The following MTRF1L variants were observed in gnomAD, a reference collection of about 807,000 sequenced individuals.
MTRF1L encodes the protein mitochondrial translation release factor 1 like.
In MTRF1L, 29 loss-of-function variants were observed where a neutral mutation model predicts 40.0. That is an observed-to-expected ratio of 0.73 (90% CI 0.54 to 0.99). MTRF1L has a LOEUF of 0.99. MTRF1L is among the 50% of genes least tolerant of loss of function. MTRF1L has a pLI of 0.00. For missense variants in MTRF1L, 412 were observed against 464.5 expected (o/e 0.89, Z 1.04); for synonymous variants, 150 against 175.8 (o/e 0.85, Z 1.16).
chr6:152,998,188 G>A (rs897787619), intron 2 of MTRF1L: 7 of 145,704 alleles, frequency 4.8e-5, no homozygotes, highest in African/African-American at 1.8e-4. Flanking sequence ...GGGAAGATAT[G>A]CCACTATTTC....
At chr6:152,990,204 C>A in intron 6 of MTRF1L, 109 bp from the exon 7 acceptor site, 1 of 1,381,278 alleles carries the variant, frequency 7.2e-7, no homozygotes, top group Non-Finnish European at 9.7e-7. Flanking sequence ...GAATCAAATG[C>A]GAGAACCAGG....
intron 1 of MTRF1L, among the ~76,000 whole-genome samples, chr6:153,001,395 G>A (rs951077817): frequency 2.6e-5 from 4 of 152,024 alleles, no homozygotes; most frequent in African/African-American, 7.3e-5. Flanking sequence ...AATTTACCAC[G>A]TACTGTATAT....
Position 153,002,637 on chromosome 6 carries a change from G to A in MTRF1L, c.49C>T (p.Arg17Trp), listed in dbSNP as rs1286394396. ...GGCCGGCGGGCTGGGCCAACGGCCC[G>A]GCGGGGCCAGAGCCACCGGGCAGCG... is the stretch of plus-strand genomic sequence containing the variant. ...WGAARWLWPR[R>W]AVGPARRPLS... is the part of the protein sequence containing the mutation. The change falls in exon 1 of 7, where the codon CGG (arginine) becomes TGG (tryptophan). Residue 17 changes from arginine to tryptophan, a missense_variant. Arg to Trp is a moderately radical substitution (Grantham distance 101, BLOSUM62 -3). Transcript: ENST00000367233. The A allele has an allele frequency of 9.8e-6, 15 of 1,526,378 alleles. No homozygotes were observed. The highest frequency in any genetic ancestry group is 2.2e-5 in the Admixed American group (1 of 44,902). The allele number at this position is 1,526,378 out of a possible 1,614,324, so 94.6% of individuals were successfully genotyped here. A position where few individuals can be genotyped will look rare whatever the true frequency, so the allele number is the denominator to read the frequency against.
chr6:152,995,041 A>G, intron 3 of MTRF1L, 95 bp downstream of exon 3: 1 of 1,129,972 alleles, frequency 8.8e-7, no homozygotes. Context: ...AAAACTACAT[A>G]AGCATCCTCA....
intron 4 of MTRF1L, among the ~76,000 whole-genome samples, 192 bp downstream of exon 4, chr6:152,994,321 A>G (rs1010330277): frequency 6.6e-6 from 1 of 152,240 alleles, no homozygotes; most frequent in African/African-American, 2.4e-5. Flanking sequence ...AGACAATGCA[A>G]CATTGTATCA....
chr6:152,997,850 CT>C (rs975957230), intron 2 of MTRF1L, among the ~76,000 whole-genome samples: 1 of 151,756 alleles, frequency 6.6e-6, no homozygotes, highest in Admixed American at 6.6e-5. Context: ...TTGGCTCCTC[CT>C]TTTTTTTGTT....
chr6:153,001,372 A>G (rs1168106455), intron 1 of MTRF1L, among the ~76,000 whole-genome samples: 1 of 151,898 alleles, frequency 6.6e-6, no homozygotes, highest in South Asian at 2.1e-4. Context: ...GTTCTCATCT[A>G]CTTCTAAGGT....
At chr6:152,994,795 G>C in intron 3 of MTRF1L, 119 bp from the exon 4 acceptor site, 1 of 1,190,542 alleles carries the variant, frequency 8.4e-7, no homozygotes, top group East Asian at 2.5e-5. Context: ...TGAACATGGA[G>C]ACTGTAAAAC....
Position 152,989,944 on chromosome 6 carries a change from T to A in MTRF1L, c.1094A>T (p.Glu365Val), listed in dbSNP as rs371671714. ...TACTAAAGATTCATAATCGGCGTAT[T>A]CCTTCAATGACTGTACAAGTTCATC... is the stretch of plus-strand genomic sequence containing the variant. ...LLDELVQSLK[E>V]YADYESLVEI... The change falls in exon 7 of 7, where the codon GAA becomes GTA. Residue 365 changes from glutamate (E) to valine (V), a missense_variant. Glu to Val is a moderately radical substitution (Grantham distance 121). Transcript: ENST00000367233. 30 of 1,613,402 alleles carry A rather than the reference T, an allele frequency of 1.9e-5. No individual in the cohort carries two copies. Among genetic ancestry groups the A allele is most frequent in the Non-Finnish European group, 2.5e-5 (29 of 1,179,800 alleles).
chr6:153,002,200 A>G (rs948951913), intron 1 of MTRF1L, among the ~76,000 whole-genome samples: 1 of 152,170 alleles, frequency 6.6e-6, no homozygotes, highest in Admixed American at 6.5e-5. Context: ...CGAGTCCACA[A>G]CTAATAAGCA....
At position 153,002,633 on chromosome 6, in the gene MTRF1L, G is replaced by T; in HGVS notation, c.53C>A (p.Ala18Asp). The T allele has an allele frequency of 6.5e-7, 1 of 1,527,032 alleles. No homozygotes were observed. The highest frequency in any genetic ancestry group is 8.8e-7 in the Non-Finnish European group (1 of 1,138,784). 94.6% of individuals were successfully genotyped at this position (1,527,032 alleles called of 1,614,324 possible). The change falls in exon 1 of 7, where the codon GCC becomes GAC. Residue 18 changes from alanine to aspartate, a missense_variant. Ala to Asp is a moderately radical substitution (Grantham distance 126). Transcript: ENST00000367233. ...GAARWLWPRRAVGPARRPLSS... is the reference protein window; with the variant it reads ...GAARWLWPRRDVGPARRPLSS... ...CAGGGGCCGGCGGGCTGGGCCAACG[G>T]CCCGGCGGGGCCAGAGCCACCGGGC...
chr6:152,992,305 A>G (rs889082542), intron 5 of MTRF1L, among the ~76,000 whole-genome samples: 3 of 152,236 alleles, frequency 2.0e-5, no homozygotes, highest in Non-Finnish European at 4.4e-5. Flanking sequence ...TTCGAGCTAC[A>G]GTATACTGGA....
rs749735706 is a variant in MTRF1L at position 153,002,494 on chromosome 6, C to T, written c.192G>A (p.Leu64=). 1.9e-6 allele frequency: 3 copies of T among 1,613,532 alleles called. No individual in the cohort carries two copies. Among genetic ancestry groups the T allele is most frequent in the Non-Finnish European group, 1.7e-6 (2 of 1,179,808 alleles). The part of the protein sequence containing the change: ...EAHLKVRRPE[L]LAVIKLLNEK... ...CGTTCAGCAGTTTGATCACCGCCAG[C>T]AACTCGGGCCTCCTGACCTTCAAAT... The change falls in exon 1 of 7, where the codon TTG becomes TTA. Residue 64 remains leucine (L), a synonymous_variant. Coordinates refer to ENST00000367233, the MANE Select transcript of MTRF1L (RefSeq NM_019041.7).
intron 1 of MTRF1L, among the ~76,000 whole-genome samples, chr6:152,999,432 C>T (rs1033748209): frequency 2.0e-5 from 3 of 152,102 alleles, no homozygotes; most frequent in African/African-American, 4.8e-5. Context: ...AAGACCTGCC[C>T]TCAAGAGAGC....
chr6:152,989,698 G>A lies in MTRF1L; in HGVS notation c.*197C>T. On this transcript the variant is annotated 3_prime_UTR_variant, in exon 7 of 7. Coordinates refer to ENST00000367233, the MANE Select transcript of MTRF1L (RefSeq NM_019041.7). The stretch of plus-strand genomic sequence containing the variant: ...GGGAATTAACCACAATGTAAATCGA[G>A]GACCATCTGTATATTGTATGATTTT... 1 of 591,218 alleles carries A rather than the reference G, an allele frequency of 1.7e-6. No individual in the cohort carries two copies. Among genetic ancestry groups the A allele is most frequent in the Non-Finnish European group, 2.8e-6 (1 of 360,340 alleles). 36.6% of individuals were successfully genotyped at this position (591,218 alleles called of 1,614,324 possible). A position where few individuals can be genotyped will look rare whatever the true frequency, so the allele number is the denominator to read the frequency against.
intron 5 of MTRF1L, among the ~76,000 whole-genome samples, chr6:152,992,491 C>T (rs1778562119): frequency 6.6e-6 from 1 of 151,976 alleles, no homozygotes; most frequent in African/African-American, 2.4e-5. Context: ...GTTCCCCTCC[C>T]CTGCAAAAAG....
At chr6:152,997,835 C>T (rs1331989891) in intron 2 of MTRF1L, among the ~76,000 whole-genome samples, 2 of 152,098 alleles carry the variant, frequency 1.3e-5, no homozygotes, top group African/African-American at 4.8e-5. Context: ...TGTTACAGTC[C>T]TTATTTGGCT....
At chr6:152,991,367 C>G in intron 5 of MTRF1L, 46 bp from the exon 6 acceptor site, 1 of 1,509,132 alleles carries the variant, frequency 6.6e-7, no homozygotes, top group Non-Finnish European at 8.9e-7. Flanking sequence ...AAAAAATCTT[C>G]TTTACTTATT....
In MTRF1L at chr6:152,992,859, G is replaced by C. The variant is rs1450968325; in HGVS notation, c.803C>G (p.Thr268Arg). ...ATATTGAAGGAATAAGTACACACCT[G>C]TTGGAAGATGAACTATCCGGACAGC... ...DSAVRIVHLP[T>R]GVVSECQQER... Residue 268 changes from threonine (T) to arginine (R), a missense_variant and splice_region_variant, in exon 5 of 7, where the codon ACA (threonine) becomes AGA (arginine). Thr to Arg is a moderately conservative substitution (Grantham distance 71). Transcript: ENST00000367233. The C allele has an allele frequency of 6.2e-7, 1 of 1,608,842 alleles. No homozygotes were observed.
Sources: allele counts gnomAD v4.1 joint callset (sites outside exome capture counted in the v4.1 genomes callset), GRCh38; gene constraint gnomAD v4.1.1; transcripts MANE v1.5; gene names NCBI Gene and HGNC (gene_info 2026-07-23, HGNC 2026-07-21).